KIR2DL1: variants seen among roughly 807,000 people sequenced by gnomAD.
The protein encoded by KIR2DL1 is killer cell immunoglobulin like receptor, two Ig domains and long cytoplasmic tail 1, also known as killer cell immunoglobulin-like receptor 2DL1.
A neutral mutation model predicts 33.9 loss-of-function variants in KIR2DL1; 38 were observed. The ratio of observed to expected loss-of-function variants is 1.12; its 90% CI spans 0.86 to 1.47. The LOEUF (loss-of-function observed/expected upper bound fraction) is 1.47, where lower values mean the gene tolerates loss of function less well. Among genes scored for constraint, KIR2DL1 ranks in the 40% most tolerant of loss-of-function variants. The pLI, the probability that KIR2DL1 is intolerant of heterozygous loss-of-function variation, is 0.00. For missense variants in KIR2DL1, 531 were observed against 433.9 expected (o/e 1.22, Z -1.99); for synonymous variants, 179 against 165.9 (o/e 1.08, Z -0.61).
chr19:54,776,737 T>C (rs1405598251), intron 4 of KIR2DL1, among the ~76,000 whole-genome samples: 4 of 144,924 alleles, frequency 2.8e-5, no homozygotes, highest in African/African-American at 7.6e-5. Flanking sequence ...GCCTCCTGGG[T>C]TCAAATGATT....
rs868663188 is a variant in KIR2DL1, at chr19:54,781,203, A to G, written c.716-1719A>G. ...AAAAATAAAAATAAGAAATACATAA[A>G]TATAATAAAACACACACGAATGACA... On this transcript the variant is annotated intron_variant, in intron 5 of 7. Transcript: ENST00000336077. Among the ~76,000 whole-genome samples, 22 of 125,026 alleles carry G rather than the reference A, an allele frequency of 1.8e-4. No homozygotes were observed. In the South Asian group the frequency reaches 2.0e-3, roughly 12 times the overall value. The allele number at this position is 125,026 out of a possible 152,430, so 82.0% of individuals were successfully genotyped here.
At chr19:54,770,658 G>A (rs1465196271) in intron 1 of KIR2DL1, among the ~76,000 whole-genome samples, 191 bp from the exon 2 acceptor site, 1 of 147,848 alleles carries the variant, frequency 6.8e-6, no homozygotes, top group Non-Finnish European at 1.5e-5. Flanking sequence ...GGCTTGAGGT[G>A]GGGATATGGA....
Position 54,778,136 on chromosome 19 carries a change from C to T in KIR2DL1, c.665-476C>T, listed in dbSNP as rs2076556784. Reference sequence around the variant, plus strand: ...ATTAGCTGAGCATGGTGGTCAGCACCTGTAATACCACTACTCAGGAATTTG... The same window carrying T: ...ATTAGCTGAGCATGGTGGTCAGCACTTGTAATACCACTACTCAGGAATTTG... On this transcript the variant is annotated intron_variant, in intron 4 of 7. Coordinates refer to ENST00000336077, the MANE Select transcript of KIR2DL1 (RefSeq NM_014218.3). 1.4e-5 allele frequency among the ~76,000 whole-genome samples: 2 copies of T among 147,870 alleles called. 1 individual carries two copies. The highest frequency in any genetic ancestry group is 4.3e-4 in the South Asian group (2 of 4,642).
At chr19:54,779,410 C>T (rs372540006) in intron 5 of KIR2DL1, among the ~76,000 whole-genome samples, 2,275 of 148,454 alleles carry the variant, frequency 0.015, 132 homozygotes, top group South Asian at 0.035. Flanking sequence ...TCCTTGGCTC[C>T]TGGTCCCCTT....
At chr19:54,775,876 C>G (rs1186952208) in intron 4 of KIR2DL1, among the ~76,000 whole-genome samples, 1 of 148,472 alleles carries the variant, frequency 6.7e-6, no homozygotes, top group Admixed American at 6.8e-5. Flanking sequence ...GATAAATATA[C>G]CTATATAGCT....
intron 4 of KIR2DL1, among the ~76,000 whole-genome samples, chr19:54,776,434 G>T (rs2147511407): frequency 6.8e-6 from 1 of 146,038 alleles, no homozygotes; most frequent in Middle Eastern, 3.5e-3. Flanking sequence ...TTCTATGGAT[G>T]AGTAGTCTCC....
At chr19:54,783,138 C>T in intron 6 of KIR2DL1, 115 bp downstream of exon 6, 1 of 1,247,794 alleles carries the variant, frequency 8.0e-7, no homozygotes, top group Middle Eastern at 1.9e-4. Flanking sequence ...AGGCAGCAGC[C>T]ACAGAGGCAG....
intron 4 of KIR2DL1, among the ~76,000 whole-genome samples, chr19:54,777,827 C>T: frequency 6.7e-6 from 1 of 148,442 alleles, no homozygotes; most frequent in Admixed American, 6.8e-5. Flanking sequence ...ATCTTTAATC[C>T]ATTTTCATTT....
Position 54,770,894 on chromosome 19 carries a change from T to C in KIR2DL1, c.70+10T>C, listed in dbSNP as rs2075635553. 3.9e-5 allele frequency: 62 copies of C among 1,582,968 alleles called. 4 individuals carry two copies. In the South Asian group the frequency reaches 6.4e-4, roughly 16 times the overall value. On this transcript the variant is annotated intron_variant, in intron 2 of 7. Transcript: ENST00000336077. ...GCCTGGCCACATGAGGGTGAGTCCT[T>C]CTCCCAACCTTCGGGTGTCATCTCC...
chr19:54,778,944 G>A (rs1157273883), intron 5 of KIR2DL1, among the ~76,000 whole-genome samples: 2 of 146,680 alleles, frequency 1.4e-5, no homozygotes, highest in Non-Finnish European at 3.0e-5. Flanking sequence ...TGTTCTACCT[G>A]CATTCCTAAC....
chr19:54,775,131 T>A (rs1354015335), intron 3 of KIR2DL1, 34 bp from the exon 4 acceptor site: 4 of 1,542,978 alleles, frequency 2.6e-6, no homozygotes, highest in South Asian at 1.2e-5. Context: ...ACAAAGAAGA[T>A]CCTCCCTGAG....
chr19:54,783,637 G>T lies in KIR2DL1; in HGVS notation c.871G>T (p.Asp291Tyr). The change falls in exon 8 of 8, where the codon GAC (aspartate) becomes TAC (tyrosine). Residue 291 changes from aspartate (D) to tyrosine (Y), a missense_variant and splice_region_variant. Physicochemically the swap from Asp to Tyr is radical, Grantham distance 160. Coordinates refer to ENST00000336077, the MANE Select transcript of KIR2DL1 (RefSeq NM_014218.3). ...TCACTCAGCATTTCCCTCTCTCCAG[G>T]ACTCTGATGAACAAGACCCTCAGGA... ...SAGNRTANSE[D>Y]SDEQDPQEVT... 1 of 1,613,942 alleles carries T rather than the reference G, an allele frequency of 6.2e-7. No homozygotes were observed. Among genetic ancestry groups the T allele is most frequent in the African/African-American group, 1.3e-5 (1 of 74,998 alleles).
rs894838734 is a variant in KIR2DL1 at position 54,769,968 on chromosome 19, G to A, written c.34+84G>A. The A allele has an allele frequency of 5.0e-5, 75 of 1,503,270 alleles. 1 individual carries two copies. The highest frequency in any genetic ancestry group is 6.8e-5 in the Non-Finnish European group (74 of 1,091,512). 93.1% of individuals were successfully genotyped at this position (1,503,270 alleles called of 1,614,324 possible). A position where few individuals can be genotyped will look rare whatever the true frequency, so the allele number is the denominator to read the frequency against. Reference sequence around the variant, plus strand: ...GTGGAGATATAGGCCTGGAGGTGGAGTTATGGGCCTGGAGTGGAGATCTGG... The same window carrying A: ...GTGGAGATATAGGCCTGGAGGTGGAATTATGGGCCTGGAGTGGAGATCTGG... On this transcript the variant is annotated intron_variant, in intron 1 of 7. Coordinates refer to ENST00000336077, the MANE Select transcript of KIR2DL1 (RefSeq NM_014218.3).
intron 5 of KIR2DL1, among the ~76,000 whole-genome samples, chr19:54,782,124 G>A (rs890424063): frequency 2.6e-5 from 4 of 151,976 alleles, no homozygotes; most frequent in African/African-American, 9.7e-5. Flanking sequence ...CACCCCATTT[G>A]CAGTGTAGCT....
intron 4 of KIR2DL1, among the ~76,000 whole-genome samples, chr19:54,777,424 C>G (rs1313285438): frequency 1.3e-5 from 2 of 148,820 alleles, no homozygotes; most frequent in African/African-American, 2.5e-5. Flanking sequence ...GATGAAAACT[C>G]ACTTTGATTT....
Position 54,784,147 on chromosome 19 carries a change from A to G in KIR2DL1, c.*334A>G, listed in dbSNP as rs1296268704. The stretch of plus-strand genomic sequence containing the variant: ...CACTGAGGAACTCACAATTCCAAAC[A>G]TACAAGAGGCTCCCTCTTAACGCAG... On this transcript the variant is annotated 3_prime_UTR_variant, in exon 8 of 8. Coordinates refer to ENST00000336077, the MANE Select transcript of KIR2DL1 (RefSeq NM_014218.3). 1 of 501,662 alleles carries G rather than the reference A, an allele frequency of 2.0e-6. No homozygotes were observed. The highest frequency in any genetic ancestry group is 3.6e-6 in the Non-Finnish European group (1 of 279,444). The allele number at this position is 501,662 out of a possible 1,614,324, so 31.1% of individuals were successfully genotyped here.
At position 54,773,631 on chromosome 19, in the gene KIR2DL1, AG is replaced by A. The variant is rs774986154; in HGVS notation, c.370+1del. 8 of 1,568,606 alleles carry A rather than the reference AG, an allele frequency of 5.1e-6. No individual in the cohort carries two copies. The highest frequency in any genetic ancestry group is 7.0e-6 in the Non-Finnish European group (8 of 1,145,158). ...PSDPLDIVII[G>X]LYEKPSLSAQ... Reference sequence around the variant, plus strand: ...GTGACCCTCTGGACATCGTGATCATAGGTGAGAGTGTCCAGACTTTCTTCTC... The same window carrying A: ...GTGACCCTCTGGACATCGTGATCATAGTGAGAGTGTCCAGACTTTCTTCTC... On this transcript the variant is annotated frameshift_variant and splice_region_variant, in exon 3 of 8. Transcript: ENST00000336077. LOFTEE classifies it high-confidence loss of function.
Position 54,777,909 on chromosome 19 carries a change from A to C in KIR2DL1, c.665-703A>C, listed in dbSNP as rs1211411613. On this transcript the variant is annotated intron_variant, in intron 4 of 7. Coordinates refer to ENST00000336077, the MANE Select transcript of KIR2DL1 (RefSeq NM_014218.3). The stretch of plus-strand genomic sequence containing the variant: ...CATGTAGATGTCCAGGTTTCCCTGC[A>C]CTGTTTATTGAAAAGACTGTCCTTT... Among the ~76,000 whole-genome samples the C allele has an allele frequency of 1.8e-4, 26 of 148,086 alleles. 2 individuals carry two copies. The highest frequency in any genetic ancestry group is 3.3e-4 in the Non-Finnish European group (22 of 66,292).
chr19:54,778,108 A>T (rs1743327), intron 4 of KIR2DL1, among the ~76,000 whole-genome samples: 1 of 146,110 alleles, frequency 6.8e-6, no homozygotes, highest in Non-Finnish European at 1.5e-5. Context: ...TAAAAATATA[A>T]AAATTAGCTG....
Sources: allele counts gnomAD v4.1 joint callset (sites outside exome capture counted in the v4.1 genomes callset), GRCh38; gene constraint gnomAD v4.1.1; transcripts MANE v1.5; gene names NCBI Gene and HGNC (gene_info 2026-07-23, HGNC 2026-07-21).